DKK2: variants seen among roughly 807,000 people sequenced by gnomAD.
DKK2 encodes the protein dickkopf Wnt signaling pathway inhibitor 2, also known as dickkopf-related protein 2.
A neutral mutation model predicts 28.1 loss-of-function variants in DKK2; 11 were observed. That is an observed-to-expected ratio of 0.39 (90% CI 0.25 to 0.65). The LOEUF (loss-of-function observed/expected upper bound fraction) is 0.65. Among genes scored for constraint, DKK2 ranks in the 30% least tolerant of loss-of-function variants. The pLI is 0.47. For missense variants in DKK2, 326 were observed against 335.5 expected, an observed-to-expected ratio of 0.97 and a Z score of 0.22; for synonymous variants, 135 against 126.5, an observed-to-expected ratio of 1.07 and a Z score of -0.45.
chr4:107,017,199 C>T (rs190363604), intron 1 of DKK2, among the ~76,000 whole-genome samples: 1 of 152,122 alleles, frequency 6.6e-6, no homozygotes, highest in Non-Finnish European at 1.5e-5. Flanking sequence ...GCTCACCATT[C>T]TGTAGAACAA....
intron 1 of DKK2, among the ~76,000 whole-genome samples, chr4:106,966,025 T>C (rs958468719): frequency 6.6e-6 from 1 of 151,930 alleles, no homozygotes; most frequent in Non-Finnish European, 1.5e-5. Context: ...TTCCAAGTCT[T>C]TGCTATTGTG....
intron 3 of DKK2, 158 bp from the exon 4 acceptor site, chr4:106,924,362 T>A (rs1724394584): frequency 1.6e-6 from 2 of 1,247,754 alleles, no homozygotes; most frequent in Admixed American, 5.6e-5. Flanking sequence ...TGGCTCTGCC[T>A]CTTATCACAT....
intron 1 of DKK2, among the ~76,000 whole-genome samples, chr4:106,936,620 A>C (rs1724592909): frequency 1.3e-5 from 2 of 152,208 alleles, no homozygotes; most frequent in African/African-American, 2.4e-5. Context: ...AGAGAATGCC[A>C]CAAGGATACT....
chr4:107,003,507 A>G (rs940027673), intron 1 of DKK2, among the ~76,000 whole-genome samples: 8 of 152,250 alleles, frequency 5.3e-5, no homozygotes, highest in African/African-American at 1.9e-4. Context: ...CAACCTCACC[A>G]GCATATACCT....
intron 1 of DKK2, among the ~76,000 whole-genome samples, chr4:107,012,808 G>C (rs1205141784): frequency 6.6e-6 from 1 of 150,998 alleles, no homozygotes; most frequent in Non-Finnish European, 1.5e-5. Context: ...GTACTCAGAG[G>C]TATCTGCCTC....
chr4:107,002,362 C>CT, intron 1 of DKK2, among the ~76,000 whole-genome samples: 1 of 152,252 alleles, frequency 6.6e-6, no homozygotes, highest in African/African-American at 2.4e-5. Context: ...GTTTTACTTG[C>CT]TTTTTCCATA....
intron 1 of DKK2, among the ~76,000 whole-genome samples, chr4:106,963,360 A>T (rs370231579): frequency 1.3e-5 from 2 of 152,132 alleles, no homozygotes; most frequent in South Asian, 4.1e-4. Context: ...CTAAAAAAAA[A>T]AAAGAGGCAA....
At chr4:106,966,320 A>G (rs1164873009) in intron 1 of DKK2, among the ~76,000 whole-genome samples, 1 of 151,048 alleles carries the variant, frequency 6.6e-6, no homozygotes. Context: ...AAGAATAATA[A>G]ATGTTTTTTT....
At chr4:107,031,500 T>G (rs1723875093) in intron 1 of DKK2, among the ~76,000 whole-genome samples, 1 of 152,028 alleles carries the variant, frequency 6.6e-6, no homozygotes, top group Non-Finnish European at 1.5e-5. Flanking sequence ...AAGAATTCTT[T>G]TCTCACAACA....
intron 1 of DKK2, among the ~76,000 whole-genome samples, chr4:106,999,474 G>A (rs1357694799): frequency 3.3e-5 from 5 of 152,088 alleles, no homozygotes; most frequent in Non-Finnish European, 5.9e-5. Flanking sequence ...AGCCTCCTAC[G>A]GAGCTGGGAC....
intron 1 of DKK2, among the ~76,000 whole-genome samples, chr4:106,964,960 T>TAG (rs1553922185): frequency 8.4e-4 from 123 of 146,432 alleles, no homozygotes; most frequent in African/African-American, 2.4e-3. Context: ...GATAGATAGA[T>TAG]ATAGATAGAT....
intron 1 of DKK2, among the ~76,000 whole-genome samples, chr4:106,956,468 A>G (rs1722592112): frequency 6.6e-6 from 1 of 152,220 alleles, no homozygotes; most frequent in South Asian, 2.1e-4. Flanking sequence ...AAAAGAACAA[A>G]GCTGGAGGCA....
At chr4:106,966,894 C>T (rs74519264) in intron 1 of DKK2, among the ~76,000 whole-genome samples, 2 of 152,078 alleles carry the variant, frequency 1.3e-5, no homozygotes, top group Admixed American at 1.3e-4. Flanking sequence ...CTTCCCACAA[C>T]AAGTGGGAAT....
chr4:107,014,454 T>C (rs1723560750), intron 1 of DKK2, among the ~76,000 whole-genome samples: 2 of 151,210 alleles, frequency 1.3e-5, no homozygotes, highest in Admixed American at 1.3e-4. Context: ...CATAGAATTA[T>C]AGACTACAGT....
chr4:106,936,367 C>T (rs1373727746), intron 1 of DKK2, among the ~76,000 whole-genome samples: 3 of 151,800 alleles, frequency 2.0e-5, no homozygotes, highest in East Asian at 3.9e-4. Flanking sequence ...AAGGTATCAG[C>T]GATGGAAGAT....
intron 1 of DKK2, among the ~76,000 whole-genome samples, chr4:106,989,157 GGAA>G (rs1397232646): frequency 6.6e-6 from 1 of 152,124 alleles, no homozygotes; most frequent in African/African-American, 2.4e-5. Context: ...TGTGGTCTGA[GGAA>G]GAAGCCATGC....
intron 1 of DKK2, among the ~76,000 whole-genome samples, chr4:106,983,276 G>A (rs1432495569): frequency 2.2e-5 from 3 of 138,078 alleles, no homozygotes; most frequent in South Asian, 2.3e-4. Context: ...ATATTACAGA[G>A]AGAAAGAGAG....
At chr4:107,018,871 T>G (rs904054902) in intron 1 of DKK2, among the ~76,000 whole-genome samples, 1 of 152,058 alleles carries the variant, frequency 6.6e-6, no homozygotes, top group South Asian at 2.1e-4. Context: ...CTCTTGCAAT[T>G]TGGGGAGCTG....
At chr4:106,954,513 GTTCTT>G (rs1389316573) in intron 1 of DKK2, among the ~76,000 whole-genome samples, 3 of 151,906 alleles carry the variant, frequency 2.0e-5, no homozygotes, top group Admixed American at 6.6e-5. Context: ...TTTTAGAAAT[GTTCTT>G]TTCTTTTCTT....
Sources: gnomAD v4.1 joint callset for allele counts (sites outside exome capture counted in the v4.1 genomes callset) on GRCh38, gnomAD v4.1.1 for gene constraint, MANE v1.5 for transcripts, NCBI Gene and HGNC (gene_info 2026-07-23, HGNC 2026-07-21) for gene names.